Variants in PTPN6 observed in about 807,000 individuals in gnomAD.
PTPN6 encodes protein tyrosine phosphatase non-receptor type 6, also known as tyrosine-protein phosphatase non-receptor type 6.
In PTPN6, 18 loss-of-function variants were observed where a neutral mutation model predicts 81.5. The ratio of observed to expected loss-of-function variants is 0.22; its 90% CI spans 0.15 to 0.33. PTPN6 has a LOEUF of 0.33. Ranked by LOEUF, PTPN6 falls within the 10% of genes least tolerant of loss-of-function variation. The pLI is 1.00. For synonymous variants in PTPN6, 301 were observed against 310.9 expected (o/e 0.97, Z 0.33); for missense variants, 500 against 794.2 (o/e 0.63, Z 4.45).
Position 6,951,740 on chromosome 12 carries a change from G to A in PTPN6, c.131+9G>A. 6.2e-7 allele frequency: 1 copy of A among 1,610,690 alleles called. No individual in the cohort carries two copies. ...TTCTCGCTCTCCGTCAGGTAGGTGG[G>A]CCCCCCGCAACCCCGGGCATTTTGG... On this transcript the variant is annotated intron_variant, in intron 2 of 15. Transcript: ENST00000318974. The surrounding 1 kb of genome is among the most constrained non-coding windows in gnomAD (Gnocchi z 7.2).
In PTPN6 at chr12:6,960,813, G is replaced by A. The variant is rs1591694546; in HGVS notation, c.1681G>A (p.Glu561Lys). 1 of 1,564,754 alleles carries A rather than the reference G, an allele frequency of 6.4e-7. No individual in the cohort carries two copies. Among genetic ancestry groups the A allele is most frequent in the Non-Finnish European group, 8.7e-7 (1 of 1,154,076 alleles). The change falls in exon 15 of 16, where the codon GAG becomes AAG. Residue 561 changes from glutamate (E) to lysine (K), a missense_variant. By Grantham distance (56) the Glu-to-Lys change is moderately conservative (BLOSUM62 1). Around this residue, in one of 6 missense-constraint regions of PTPN6, gnomAD observed 56 missense variants for 56.4 expected, o/e 0.99. Coordinates refer to ENST00000318974, the MANE Select transcript of PTPN6 (RefSeq NM_002831.6). The surrounding 1 kb of genome is among the most constrained non-coding windows in gnomAD (Gnocchi z 6.1). ...CCCTGCACCCGGCTGCAGACACAAGGAGGATGTGTATGAGAACCTGCACAC... is the reference window on the plus strand; with the variant it reads ...CCCTGCACCCGGCTGCAGACACAAGAAGGATGTGTATGAGAACCTGCACAC... ...KASRTSSKHK[E>K]DVYENLHTKN...
Position 6,959,689 on chromosome 12 carries a change from G to A in PTPN6, c.1362-238G>A. On this transcript the variant is annotated intron_variant, in intron 11 of 15. Transcript: ENST00000318974. This position sits in a 1 kb window ranked among gnomAD's most constrained non-coding sequence, Gnocchi z 6.6. ...GAGTCGGCGCGAGGAGTGGAGGAGG[G>A]AAGGATGGTGGCAGCTGGGGAGCCA... The A allele has an allele frequency of 1.7e-6, 1 of 600,260 alleles. No homozygotes were observed. Among genetic ancestry groups the A allele is most frequent in the Non-Finnish European group, 3.0e-6 (1 of 336,246 alleles). 37.2% of individuals were successfully genotyped at this position (600,260 alleles called of 1,614,324 possible).
In PTPN6 at chr12:6,954,719, A is replaced by T; in HGVS notation, c.327-86A>T. On this transcript the variant is annotated intron_variant, in intron 3 of 15. Transcript: ENST00000318974. The surrounding 1 kb of genome is among the most constrained non-coding windows in gnomAD (Gnocchi z 5.4). Reference sequence around the variant, plus strand: ...GTGCCTGGCACACAGTAGGTGCTTGATTTCCGGCCCCTCTCTGTGAATGTC... The same window carrying T: ...GTGCCTGGCACACAGTAGGTGCTTGTTTTCCGGCCCCTCTCTGTGAATGTC... The T allele has an allele frequency of 7.1e-7, 1 of 1,399,074 alleles. No individual in the cohort carries two copies. Among genetic ancestry groups the T allele is most frequent in the Non-Finnish European group, 9.8e-7 (1 of 1,015,442 alleles). 86.7% of individuals were successfully genotyped at this position (1,399,074 alleles called of 1,614,324 possible).
At position 6,955,967 on chromosome 12, in the gene PTPN6, T is replaced by C. The variant is rs1054843599; in HGVS notation, c.845-175T>C. Among the ~76,000 whole-genome samples, 3 of 151,704 alleles carry C rather than the reference T, an allele frequency of 2.0e-5. No homozygotes were observed. Among genetic ancestry groups the C allele is most frequent in the Admixed American group, 2.0e-4 (3 of 15,232 alleles). Reference sequence around the variant, plus strand: ...TTGCCCCCTGCTCCCAACCTCCTTGTGAACTCCCTCACTCCCTCCATACAG... The same window carrying C: ...TTGCCCCCTGCTCCCAACCTCCTTGCGAACTCCCTCACTCCCTCCATACAG... On this transcript the variant is annotated intron_variant, in intron 7 of 15. Transcript: ENST00000318974. This position sits in a 1 kb window ranked among gnomAD's most constrained non-coding sequence, Gnocchi z 7.2.
chr12:6,960,310 G>A lies in PTPN6; in HGVS notation c.1582-34G>A, dbSNP rs781915743. 1.2e-6 allele frequency: 2 copies of A among 1,611,658 alleles called. No individual in the cohort carries two copies. Among genetic ancestry groups the A allele is most frequent in the Non-Finnish European group, 1.7e-6 (2 of 1,179,634 alleles). ...GATGGGTGCCACCTGGCCCTGCTGG[G>A]ACCACCACCTTCCCACTGTCCCTCT... is the stretch of plus-strand genomic sequence containing the variant. On this transcript the variant is annotated intron_variant, in intron 13 of 15. Coordinates refer to ENST00000318974, the MANE Select transcript of PTPN6 (RefSeq NM_002831.6). This position sits in a 1 kb window ranked among gnomAD's most constrained non-coding sequence, Gnocchi z 6.1.
In PTPN6 at chr12:6,951,512, G is replaced by C. The variant is rs1555147717; in HGVS notation, c.-1G>C. 1 of 1,613,800 alleles carries C rather than the reference G, an allele frequency of 6.2e-7. No individual in the cohort carries two copies. ...CCCCTTCCTCTCCGGAAGCCCCCAG[G>C]ATGGTGAGGTAAGGGCCTGCCACCC... On this transcript the variant is annotated 5_prime_UTR_variant, in exon 1 of 16. Coordinates refer to ENST00000318974, the MANE Select transcript of PTPN6 (RefSeq NM_002831.6). This position sits in a 1 kb window ranked among gnomAD's most constrained non-coding sequence, Gnocchi z 7.2.
At chr12:6,953,663 C>T (rs1377842709) in intron 3 of PTPN6, 1 of 152,522 alleles carries the variant, frequency 6.6e-6, no homozygotes, top group Non-Finnish European at 1.5e-5. Context: ...CTCGGTGGCT[C>T]TGCGCTTCCT....
Position 6,958,048 on chromosome 12 carries a change from G to A in PTPN6, c.1336G>A (p.Ala446Thr), listed in dbSNP as rs782216134. 3.2e-5 allele frequency: 51 copies of A among 1,612,362 alleles called. No individual in the cohort carries two copies. The highest frequency in any genetic ancestry group is 3.8e-5 in the Non-Finnish European group (45 of 1,180,024). The change falls in exon 11 of 16, where the codon GCA (alanine) becomes ACA (threonine). Residue 446 changes from alanine to threonine, a missense_variant. Transcript: ENST00000318974. ...INQRQESLPH[A>T]GPIIVHCSAG... ...CCAGCGGCAGGAAAGTCTGCCTCACGCAGGGCCCATCATCGTGCACTGCAG... is the reference window on the plus strand; with the variant it reads ...CCAGCGGCAGGAAAGTCTGCCTCACACAGGGCCCATCATCGTGCACTGCAG...
At chr12:6,950,596 C>T (rs1220657021), upstream of PTPN6, among the ~76,000 whole-genome samples, 2 of 152,162 alleles carry the variant, frequency 1.3e-5, no homozygotes, top group Non-Finnish European at 2.9e-5. Context: ...CATCCCTCTG[C>T]CACAGTGGCA....
intron 3 of PTPN6, chr12:6,953,694 A>G (rs1184352085): frequency 6.6e-6 from 1 of 152,246 alleles, no homozygotes; most frequent in Admixed American, 6.5e-5. Flanking sequence ...TGACATTTGC[A>G]TGGAGACTTC....
rs1483931704 is a variant in PTPN6, at chr12:6,954,510, G to A, written c.327-295G>A. On this transcript the variant is annotated intron_variant, in intron 3 of 15. Transcript: ENST00000318974. The surrounding 1 kb of genome is among the most constrained non-coding windows in gnomAD (Gnocchi z 5.4). ...TGCAGAGAGCTGTAACCGCGCCACT[G>A]CACTCCAGCCTGGGCAACAGAGCTC... Among the ~76,000 whole-genome samples, 1 of 152,212 alleles carries A rather than the reference G, an allele frequency of 6.6e-6. No homozygotes were observed. Among genetic ancestry groups the A allele is most frequent in the African/African-American group, 2.4e-5 (1 of 41,444 alleles).
rs1265678261 is a variant in PTPN6 at position 6,957,972 on chromosome 12, T to C, written c.1260T>C (p.His420=). 3.7e-6 allele frequency: 6 copies of C among 1,613,644 alleles called. No homozygotes were observed. In the African/African-American group the frequency reaches 6.7e-5, roughly 18 times the overall value. Residue 420 remains histidine, a synonymous_variant, in exon 11 of 16, where the codon CAT becomes CAC. Transcript: ENST00000318974. This position sits in a 1 kb window ranked among gnomAD's most constrained non-coding sequence, Gnocchi z 6.5. Reference sequence around the variant, plus strand: ...ACCAGTACCTGAGCTGGCCCGACCATGGGGTCCCCAGTGAGCCTGGGGGTG... The same window carrying C: ...ACCAGTACCTGAGCTGGCCCGACCACGGGGTCCCCAGTGAGCCTGGGGGTG... ...WHYQYLSWPD[H]GVPSEPGGVL...
chr12:6,958,185 G>T (rs934440130), intron 11 of PTPN6, 112 bp downstream of exon 11: 3 of 1,417,864 alleles, frequency 2.1e-6, no homozygotes, highest in Non-Finnish European at 2.9e-6. Context: ...AGTGCCCTCC[G>T]CTCACCCCCG....
In PTPN6 at chr12:6,957,781, A is replaced by G. The variant is rs1302893456; in HGVS notation, c.1202A>G (p.Asp401Gly). Residue 401 changes from aspartate to glycine, a missense_variant, in exon 10 of 16, where the codon GAC becomes GGC. Physicochemically the swap from Asp to Gly is moderately conservative, Grantham distance 94. Coordinates refer to ENST00000318974, the MANE Select transcript of PTPN6 (RefSeq NM_002831.6). This position sits in a 1 kb window ranked among gnomAD's most constrained non-coding sequence, Gnocchi z 6.5. ...CGTACCTTACAGGTCTCCCCGCTGG[A>G]CAATGTGAGTGGCCCCCACGCCCTG... is the stretch of plus-strand genomic sequence containing the variant. ...KLRTLQVSPL[D>G]NGDLIREIWH... 1.2e-6 allele frequency: 2 copies of G among 1,614,028 alleles called. No homozygotes were observed. The highest frequency in any genetic ancestry group is 1.7e-6 in the Non-Finnish European group (2 of 1,180,032).
chr12:6,957,791 T>C lies in PTPN6; in HGVS notation c.1206+6T>C. The C allele has an allele frequency of 1.9e-6, 3 of 1,614,070 alleles. No individual in the cohort carries two copies. On this transcript the variant is annotated splice_donor_region_variant and intron_variant, in intron 10 of 15. Transcript: ENST00000318974. The surrounding 1 kb of genome is among the most constrained non-coding windows in gnomAD (Gnocchi z 6.5). Reference sequence around the variant, plus strand: ...AGGTCTCCCCGCTGGACAATGTGAGTGGCCCCCACGCCCTGCCCCATTCCG... The same window carrying C: ...AGGTCTCCCCGCTGGACAATGTGAGCGGCCCCCACGCCCTGCCCCATTCCG...
chr12:6,955,458 C>T lies in PTPN6; in HGVS notation c.720C>T (p.Ala240=). Residue 240 remains alanine, a synonymous_variant, in exon 6 of 16, where the codon GCC becomes GCT. Transcript: ENST00000318974. The surrounding 1 kb of genome is among the most constrained non-coding windows in gnomAD (Gnocchi z 7.2). ...LNKKQESEDT[A]KAGFWEEFES... Reference sequence around the variant, plus strand: ...AGAAGCAGGAGTCCGAGGATACAGCCAAGGCTGGCTTCTGGGAGGAGTTTG... The same window carrying T: ...AGAAGCAGGAGTCCGAGGATACAGCTAAGGCTGGCTTCTGGGAGGAGTTTG... 1 of 1,614,130 alleles carries T rather than the reference C, an allele frequency of 6.2e-7. No individual in the cohort carries two copies. The highest frequency in any genetic ancestry group is 8.5e-7 in the Non-Finnish European group (1 of 1,180,012).
Position 6,959,915 on chromosome 12 carries a change from G to C in PTPN6, c.1362-12G>C. ...TTGACTGGCCTCTGATGGCACCCCC[G>C]TCTTTCCCCAGCGCCGGCATCGGCC... On this transcript the variant is annotated splice_polypyrimidine_tract_variant and intron_variant, in intron 11 of 15. Coordinates refer to ENST00000318974, the MANE Select transcript of PTPN6 (RefSeq NM_002831.6). The surrounding 1 kb of genome is among the most constrained non-coding windows in gnomAD (Gnocchi z 6.6). The C allele has an allele frequency of 6.2e-7, 1 of 1,610,736 alleles. No homozygotes were observed. Among genetic ancestry groups the C allele is most frequent in the Non-Finnish European group, 8.5e-7 (1 of 1,179,756 alleles).
Position 6,959,602 on chromosome 12 carries a change from A to G in PTPN6, c.1362-325A>G, listed in dbSNP as rs1946092003. ...CAGGGTACCTGGGAGCCGGCAGGAC[A>G]GTGGTGGGATTTGGGGGTCCCAGGT... is the stretch of plus-strand genomic sequence containing the variant. On this transcript the variant is annotated intron_variant, in intron 11 of 15. Transcript: ENST00000318974. The surrounding 1 kb of genome is among the most constrained non-coding windows in gnomAD (Gnocchi z 6.6). 1 of 519,242 alleles carries G rather than the reference A, an allele frequency of 1.9e-6. No homozygotes were observed. The highest frequency in any genetic ancestry group is 5.2e-4 in the Middle Eastern group (1 of 1,918). The allele number at this position is 519,242 out of a possible 1,614,324, so 32.2% of individuals were successfully genotyped here. A position where few individuals can be genotyped will look rare whatever the true frequency, so the allele number is the denominator to read the frequency against.
At position 6,951,612 on chromosome 12, in the gene PTPN6, G is replaced by T. The variant is rs1555147752; in HGVS notation, c.12G>T (p.Trp4Cys). The T allele has an allele frequency of 6.2e-7, 1 of 1,613,830 alleles. No homozygotes were observed. Among genetic ancestry groups the T allele is most frequent in the Admixed American group, 1.7e-5 (1 of 60,006 alleles). Residue 4 changes from tryptophan to cysteine, a missense_variant, in exon 2 of 16, where the codon TGG becomes TGT. Trp to Cys is a radical substitution (Grantham distance 215). Transcript: ENST00000318974. The surrounding 1 kb of genome is among the most constrained non-coding windows in gnomAD (Gnocchi z 7.2). ...CTGCCCTGCCTGGGCCGCCCAGGTGGTTTCACCGAGACCTCAGTGGGCTGG... is the reference window on the plus strand; with the variant it reads ...CTGCCCTGCCTGGGCCGCCCAGGTGTTTTCACCGAGACCTCAGTGGGCTGG... MVRWFHRDLSGLDA... is the reference protein window; with the variant it reads MVRCFHRDLSGLDA...
Sources: gnomAD v4.1 joint callset for allele counts (sites outside exome capture counted in the v4.1 genomes callset) on GRCh38, gnomAD v4.1.1 for gene constraint, gnomAD v4.1.1 regional missense constraint, Gnocchi (gnomAD v3.1) non-coding constraint, MANE v1.5 for transcripts, NCBI Gene and HGNC (gene_info 2026-07-23, HGNC 2026-07-21) for gene names.